Variants in CRPPA observed in about 807,000 individuals in gnomAD.
CRPPA encodes CDP-L-ribitol pyrophosphorylase A.
Under a neutral mutation model 52.0 loss-of-function variants are expected in CRPPA, and 43 were observed. That is an observed-to-expected ratio of 0.83 (90% CI 0.65 to 1.07). The LOEUF (loss-of-function observed/expected upper bound fraction) is 1.07. Among genes scored for constraint, CRPPA ranks in the 50% least tolerant of loss-of-function variants. CRPPA has a pLI of 0.00. For synonymous variants in CRPPA, 250 were observed against 203.5 expected (o/e 1.23, Z -1.94); for missense variants, 629 against 551.7 (o/e 1.14, Z -1.40).
At chr7:16,285,403 T>C (rs915876778) in intron 5 of CRPPA, among the ~76,000 whole-genome samples, 1 of 152,162 alleles carries the variant, frequency 6.6e-6, no homozygotes, top group African/African-American at 2.4e-5. Context: ...CACTATCCTA[T>C]TTTTTAAGTA....
At chr7:16,299,489 T>C (rs2128422452) in intron 5 of CRPPA, among the ~76,000 whole-genome samples, 1 of 152,284 alleles carries the variant, frequency 6.6e-6, no homozygotes. Flanking sequence ...AGGTGGGGCC[T>C]GAGATTCTAG....
At chr7:16,175,084 T>C (rs1781268422) in intron 9 of CRPPA, among the ~76,000 whole-genome samples, 1 of 152,132 alleles carries the variant, frequency 6.6e-6, no homozygotes, top group Non-Finnish European at 1.5e-5. Context: ...CTTTAGGCAG[T>C]CCATGGGAAC....
intron 9 of CRPPA, among the ~76,000 whole-genome samples, chr7:16,106,134 G>C (rs942254927): frequency 1.3e-5 from 2 of 151,998 alleles, no homozygotes; most frequent in Non-Finnish European, 2.9e-5. Flanking sequence ...CAGCCTAAAA[G>C]CCCACCCAAT....
Position 16,182,103 on chromosome 7 carries a change from A to T in CRPPA, c.1251+33963T>A, listed in dbSNP as rs114375189. ...AAAACATATGTAATACGTAGTCTGC[A>T]TTTGCTTTATAAAATATCTCTTTGC... On this transcript the variant is annotated intron_variant, in intron 9 of 9. Transcript: ENST00000407010. Among the ~76,000 whole-genome samples, 1,015 of 152,130 alleles carry T rather than the reference A, an allele frequency of 6.7e-3. 13 individuals carry two copies. Among genetic ancestry groups the T allele is most frequent in the African/African-American group, 0.023 (972 of 41,544 alleles).
intron 3 of CRPPA, among the ~76,000 whole-genome samples, chr7:16,324,042 G>A (rs943184236): frequency 6.6e-6 from 1 of 152,160 alleles, no homozygotes; most frequent in Non-Finnish European, 1.5e-5. Flanking sequence ...TCCATGCACT[G>A]GCGACGTTCT....
At chr7:16,115,839 C>A (rs1456493565) in intron 9 of CRPPA, among the ~76,000 whole-genome samples, 1 of 151,846 alleles carries the variant, frequency 6.6e-6, no homozygotes, top group Non-Finnish European at 1.5e-5. Context: ...TAAAATAAGA[C>A]TAATACTAAT....
At chr7:16,206,293 T>C (rs1196503554) in intron 9 of CRPPA, among the ~76,000 whole-genome samples, 1 of 152,138 alleles carries the variant, frequency 6.6e-6, no homozygotes, top group Non-Finnish European at 1.5e-5. Flanking sequence ...TATAGTTTAG[T>C]GGTCCATATT....
At position 16,169,737 on chromosome 7, in the gene CRPPA, A is replaced by G. The variant is rs77518930; in HGVS notation, c.1251+46329T>C. ...TTCACTAGTGCCTCTCTCATCGACT[A>G]TATCAGGAAAGAAAGTCATACACCA... On this transcript the variant is annotated intron_variant, in intron 9 of 9. Coordinates refer to ENST00000407010, the MANE Select transcript of CRPPA (RefSeq NM_001101426.4). Among the ~76,000 whole-genome samples, 918 of 152,322 alleles carry G rather than the reference A, an allele frequency of 6.0e-3. 8 individuals are homozygous for G. Among genetic ancestry groups the G allele is most frequent in the African/African-American group, 0.021 (855 of 41,576 alleles).
intron 1 of CRPPA, among the ~76,000 whole-genome samples, chr7:16,413,196 C>G (rs1464775394): frequency 6.6e-6 from 1 of 152,210 alleles, no homozygotes; most frequent in Non-Finnish European, 1.5e-5. Context: ...AAATATTGAA[C>G]TGGCATGATG....
intron 2 of CRPPA, among the ~76,000 whole-genome samples, chr7:16,385,105 C>T (rs1053505856): frequency 6.6e-5 from 10 of 151,666 alleles, no homozygotes; most frequent in East Asian, 5.8e-4. Context: ...GATAAATAGA[C>T]GTAATACAAT....
At chr7:16,260,955 GA>G (rs1247579728) in intron 6 of CRPPA, among the ~76,000 whole-genome samples, 2 of 151,926 alleles carry the variant, frequency 1.3e-5, no homozygotes, top group African/African-American at 4.8e-5. Flanking sequence ...CTTGTGTCAA[GA>G]AAATAGTGTA....
At chr7:16,307,448 G>A (rs765335862) in intron 4 of CRPPA, among the ~76,000 whole-genome samples, 45 of 152,008 alleles carry the variant, frequency 3.0e-4, no homozygotes, top group Non-Finnish European at 5.6e-4. Flanking sequence ...TTGGGAGGCT[G>A]AGGCAGGCAG....
chr7:16,419,631 A>C (rs1162735711), intron 1 of CRPPA, among the ~76,000 whole-genome samples: 1 of 152,122 alleles, frequency 6.6e-6, no homozygotes, highest in African/African-American at 2.4e-5. Context: ...GATATTTTAT[A>C]GACCCTTCAC....
intron 6 of CRPPA, among the ~76,000 whole-genome samples, chr7:16,272,981 A>T (rs945751986): frequency 1.4e-4 from 21 of 150,372 alleles, no homozygotes; most frequent in African/African-American, 3.2e-4. Context: ...TATTATTATT[A>T]TACTTTAAGT....
chr7:16,212,004 T>C (rs1226037113), intron 9 of CRPPA, among the ~76,000 whole-genome samples: 2 of 152,226 alleles, frequency 1.3e-5, no homozygotes, highest in Non-Finnish European at 2.9e-5. Flanking sequence ...TATTGTTCTA[T>C]ATCCTATTTT....
In CRPPA at chr7:16,286,089, A is replaced by T. The variant is rs1412472756; in HGVS notation, c.836-7863T>A. ...TATATATATATATATATAATATTTA[A>T]AAAAAAAAATATATATATATATATA... On this transcript the variant is annotated intron_variant, in intron 5 of 9. Transcript: ENST00000407010. 1.3e-3 allele frequency among the ~76,000 whole-genome samples: 41 copies of T among 31,604 alleles called. 1 individual carries two copies. The highest frequency in any genetic ancestry group is 3.8e-3 in the African/African-American group (9 of 2,356). The allele number at this position is 31,604 out of a possible 152,430, so 20.7% of individuals were successfully genotyped here. A position where few individuals can be genotyped will look rare whatever the true frequency, so the allele number is the denominator to read the frequency against.
chr7:16,112,740 T>C (rs1168468879), intron 9 of CRPPA, among the ~76,000 whole-genome samples: 1 of 152,080 alleles, frequency 6.6e-6, no homozygotes, highest in African/African-American at 2.4e-5. Context: ...GAAACTTAAT[T>C]TGTCCAATGA....
intron 2 of CRPPA, among the ~76,000 whole-genome samples, chr7:16,389,281 A>G (rs1246179504): frequency 6.6e-6 from 1 of 152,234 alleles, no homozygotes; most frequent in African/African-American, 2.4e-5. Context: ...CCAAAAACAA[A>G]GACTGCACAA....
At chr7:16,381,834 C>T (rs1346063513) in intron 2 of CRPPA, among the ~76,000 whole-genome samples, 31 of 151,350 alleles carry the variant, frequency 2.0e-4, no homozygotes, top group Non-Finnish European at 2.5e-4. Flanking sequence ...TTTTGTTTTC[C>T]ATTTGCTTGG....
Sources: allele counts gnomAD v4.1 joint callset (sites outside exome capture counted in the v4.1 genomes callset), GRCh38; gene constraint gnomAD v4.1.1; transcripts MANE v1.5; gene names NCBI Gene and HGNC (gene_info 2026-07-23, HGNC 2026-07-21).